Variants in ESRRG observed in about 807,000 individuals in gnomAD.
ESRRG encodes estrogen-related receptor gamma.
A neutral mutation model predicts 44.0 loss-of-function variants in ESRRG; 13 were observed. The ratio of observed to expected loss-of-function variants is 0.30; its 90% confidence interval spans 0.19 to 0.47. The LOEUF is 0.47. Ranked by LOEUF, ESRRG falls within the 20% of genes least tolerant of loss-of-function variation. The probability of loss-of-function intolerance (pLI) is 1.00; values close to 1 mark genes in which losing one functional copy is unlikely to be tolerated. For missense variants in ESRRG, 395 were observed against 580.6 expected (o/e 0.68, Z 3.29); for synonymous variants, 215 against 214.6 (o/e 1.00, Z -0.02).
At chr1:216,968,085 T>A (rs893196078) in intron 1 of ESRRG, among the ~76,000 whole-genome samples, 2 of 152,180 alleles carry the variant, frequency 1.3e-5, no homozygotes, top group Admixed American at 6.5e-5. Flanking sequence ...TTTAATTGGG[T>A]TATTTGATTT....
chr1:216,814,007 G>A (rs2095056335), intron 2 of ESRRG, among the ~76,000 whole-genome samples: 1 of 152,030 alleles, frequency 6.6e-6, no homozygotes, highest in African/African-American at 2.4e-5. Flanking sequence ...CTGCTTTCCT[G>A]CCTGCAGCAC....
intron 1 of ESRRG, among the ~76,000 whole-genome samples, chr1:216,711,138 T>A (rs2083504765): frequency 6.6e-6 from 1 of 152,190 alleles, no homozygotes; most frequent in African/African-American, 2.4e-5. Context: ...ATTTCCTTCC[T>A]ATCTGGGAGC....
intron 1 of ESRRG, among the ~76,000 whole-genome samples, chr1:217,019,753 C>T (rs1043934835): frequency 2.8e-4 from 43 of 152,100 alleles, no homozygotes; most frequent in African/African-American, 9.7e-4. Flanking sequence ...CAGAGTCATC[C>T]CCAGGTGGGA....
chr1:216,618,493 T>C (rs1195031501), intron 3 of ESRRG, among the ~76,000 whole-genome samples: 6 of 152,242 alleles, frequency 3.9e-5, no homozygotes, highest in African/African-American at 1.4e-4. Flanking sequence ...TACATATTCA[T>C]CTACCTAATT....
Position 216,878,898 on chromosome 1 carries a change from G to T in ESRRG, c.-14+60684C>A, listed in dbSNP as rs78343831. Among the ~76,000 whole-genome samples, 473 of 152,242 alleles carry T rather than the reference G, an allele frequency of 3.1e-3. 3 individuals are homozygous for T. The highest frequency in any genetic ancestry group is 0.01 in the African/African-American group (436 of 41,544). On this transcript the variant is annotated intron_variant, in intron 2 of 7. Coordinates refer to the ESRRG transcript ENST00000359162. ...CACATAAGTTTCAGATTTACGCATC[G>T]TATTTATCCTTATATTTCCCAGTAC...
chr1:217,056,167 TG>T (rs1297466475), intron 1 of ESRRG, among the ~76,000 whole-genome samples: 3 of 152,122 alleles, frequency 2.0e-5, no homozygotes, highest in Non-Finnish European at 4.4e-5. Context: ...CTTGGGTACC[TG>T]AATAACTACT....
intron 1 of ESRRG, among the ~76,000 whole-genome samples, chr1:216,973,614 G>A (rs1428942614): frequency 1.3e-5 from 2 of 152,074 alleles, no homozygotes; most frequent in African/African-American, 4.8e-5. Flanking sequence ...ATCACCTGAG[G>A]TCGGGAGTTC....
At position 216,865,600 on chromosome 1, in the gene ESRRG, A is replaced by G. The variant is rs374575401; in HGVS notation, c.-14+73982T>C. Among the ~76,000 whole-genome samples the G allele has an allele frequency of 6.7e-4, 102 of 152,314 alleles. No homozygotes were observed. The Middle Eastern group carries it at 0.01, about 15-fold the overall frequency. ...AAAAGAGGGAAAAGGAGTAAACTTA[A>G]AAAGCAAACATGGAACACTTGTTTA... is the stretch of plus-strand genomic sequence containing the variant. On this transcript the variant is annotated intron_variant, in intron 2 of 7. Coordinates refer to the ESRRG transcript ENST00000359162.
At chr1:217,076,510 T>C (rs748913408) in intron 1 of ESRRG, among the ~76,000 whole-genome samples, 4 of 152,208 alleles carry the variant, frequency 2.6e-5, no homozygotes, top group Admixed American at 6.5e-5. Flanking sequence ...AATATTATTG[T>C]GATATCTGGT....
At chr1:216,987,615 T>A (rs1352354662) in intron 1 of ESRRG, among the ~76,000 whole-genome samples, 1 of 152,220 alleles carries the variant, frequency 6.6e-6, no homozygotes, top group Non-Finnish European at 1.5e-5. Context: ...AAGTACTCAT[T>A]TCCTTTCTAC....
intron 1 of ESRRG, among the ~76,000 whole-genome samples, chr1:217,025,227 C>T (rs796672947): frequency 2.9e-4 from 44 of 152,136 alleles, no homozygotes; most frequent in African/African-American, 9.9e-4. Flanking sequence ...TTTCTGAAAA[C>T]AAGGCAAGAA....
At chr1:216,556,457 C>G (rs570447284) in intron 5 of ESRRG, among the ~76,000 whole-genome samples, 1 of 152,228 alleles carries the variant, frequency 6.6e-6, no homozygotes, top group East Asian at 1.9e-4. Flanking sequence ...CCTCAGCACT[C>G]AGGAATTGTT....
intron 5 of ESRRG, among the ~76,000 whole-genome samples, chr1:216,526,611 G>C (rs1419067864): frequency 6.6e-6 from 1 of 152,110 alleles, no homozygotes; most frequent in East Asian, 1.9e-4. Context: ...CCCAGTCTTT[G>C]GTACTTTGTT....
intron 6 of ESRRG, 59 bp from the exon 7 acceptor site, chr1:216,507,242 C>G: frequency 8.6e-7 from 1 of 1,156,258 alleles, no homozygotes. Context: ...CCTATGTAGA[C>G]TAGAGTTATA....
chr1:216,696,974 T>C (rs1278993549), intron 1 of ESRRG, among the ~76,000 whole-genome samples: 1 of 152,012 alleles, frequency 6.6e-6, no homozygotes, highest in Non-Finnish European at 1.5e-5. Context: ...AAATATCTTT[T>C]TTTTTTTTTG....
chr1:217,055,967 C>T (rs2087003577), intron 1 of ESRRG, among the ~76,000 whole-genome samples: 1 of 152,114 alleles, frequency 6.6e-6, no homozygotes, highest in Non-Finnish European at 1.5e-5. Context: ...CTCCTTTTCT[C>T]CTTGGGTACA....
chr1:216,822,108 G>T (rs1322022650), intron 2 of ESRRG, among the ~76,000 whole-genome samples: 1 of 152,084 alleles, frequency 6.6e-6, no homozygotes, highest in Non-Finnish European at 1.5e-5. Context: ...TCTCTATAAA[G>T]ATGGAGATGT....
At chr1:216,721,634 C>T (rs2086301099) in intron 1 of ESRRG, among the ~76,000 whole-genome samples, 1 of 152,148 alleles carries the variant, frequency 6.6e-6, no homozygotes, top group Non-Finnish European at 1.5e-5. Flanking sequence ...AAGTTAAATT[C>T]AAGGAAACTA....
rs181518690 is a variant in ESRRG at position 216,824,940 on chromosome 1, T to C, written c.-14+114642A>G. ...TAAAAACATATAATCACTATCTGTC[T>C]GCATGTAGTCTTGCTTGGAGACAGA... On this transcript the variant is annotated intron_variant, in intron 2 of 7. Transcript: ENST00000359162. Among the ~76,000 whole-genome samples the C allele has an allele frequency of 1.3e-4, 20 of 152,354 alleles. No individual in the cohort carries two copies. In the East Asian group the frequency reaches 3.7e-3, roughly 28 times the overall value.
Sources: gnomAD v4.1 joint callset for allele counts (sites outside exome capture counted in the v4.1 genomes callset) on GRCh38, gnomAD v4.1.1 for gene constraint, MANE v1.5 for transcripts, NCBI Gene and HGNC (gene_info 2026-07-23, HGNC 2026-07-21) for gene names.